Variants in GLT8D2 observed in about 807,000 individuals in gnomAD.
GLT8D2 encodes glycosyltransferase 8 domain-containing protein 2.
GLT8D2 carries 45 observed loss-of-function variants against 44.5 expected under a neutral mutation model. The observed-to-expected ratio is 1.01, with a 90% CI of 0.80 to 1.30. The LOEUF is 1.30. Ranked by LOEUF, GLT8D2 falls within the 50% of genes most tolerant of loss-of-function variation. The pLI is 0.00. For missense variants in GLT8D2, 400 were observed against 430.4 expected, an observed-to-expected ratio of 0.93 and a Z score of 0.62; for synonymous variants, 156 against 157.2, an observed-to-expected ratio of 0.99 and a Z score of 0.06.
At chr12:104,015,832 T>A (rs1876507122) in intron 3 of GLT8D2, among the ~76,000 whole-genome samples, 1 of 151,474 alleles carries the variant, frequency 6.6e-6, no homozygotes, top group South Asian at 2.1e-4. Context: ...TGAAACCCTA[T>A]CTCTACTAAA....
chr12:104,046,945 C>G (rs764364780), intron 1 of GLT8D2, among the ~76,000 whole-genome samples: 3 of 152,032 alleles, frequency 2.0e-5, no homozygotes, highest in Non-Finnish European at 4.4e-5. Flanking sequence ...TCACCTCAGT[C>G]TCCCAAATAG....
intron 1 of GLT8D2, among the ~76,000 whole-genome samples, chr12:104,047,002 T>A (rs1298991317): frequency 2.0e-5 from 3 of 151,914 alleles, no homozygotes; most frequent in East Asian, 1.9e-4. Context: ...TAATTAAAAA[T>A]TTTTTTTGTA....
At chr12:103,994,612 C>T in intron 8 of GLT8D2, 111 bp from the exon 9 acceptor site, 1 of 878,928 alleles carries the variant, frequency 1.1e-6, no homozygotes, top group South Asian at 1.9e-5. Flanking sequence ...TCCTGTGTCA[C>T]TGGCCACTGG....
intron 1 of GLT8D2, among the ~76,000 whole-genome samples, chr12:104,044,587 A>G (rs994386408): frequency 4.6e-5 from 7 of 152,040 alleles, no homozygotes; most frequent in African/African-American, 1.4e-4. Context: ...TTCCTCTTCA[A>G]CTTCTCCCTC....
rs747158624 is a variant in GLT8D2 at position 104,019,640 on chromosome 12, C to A, written c.9G>T (p.Leu3=). ...AAGTTGAAATCTTACTTTTTCGTAA[C>A]AGAGCCATGTGTATTCACGCGGATA... MA[L]LRKINQVLLF... is the part of the protein sequence containing the mutation. Residue 3 remains leucine (L), a synonymous_variant, in exon 3 of 11, where the codon CTG becomes CTT. Transcript: ENST00000360814. The A allele has an allele frequency of 1.9e-6, 3 of 1,610,144 alleles. No homozygotes were observed. In the Admixed American group the frequency reaches 5.0e-5, roughly 27 times the overall value.
In GLT8D2 at chr12:103,994,468, T is replaced by C. The variant is rs1873159527; in HGVS notation, c.634A>G (p.Lys212Glu). 1.2e-6 allele frequency: 2 copies of C among 1,613,868 alleles called. No individual in the cohort carries two copies. Among genetic ancestry groups the C allele is most frequent in the South Asian group, 2.2e-5 (2 of 91,038 alleles). The change falls in exon 9 of 11, where the codon AAG becomes GAG. Residue 212 changes from lysine to glutamate, a missense_variant. Coordinates refer to ENST00000360814, the MANE Select transcript of GLT8D2 (RefSeq NM_001384711.1). ...CTGATGCCAAGGTCCTTGATGGCCT[T>C]CTTCCGGTAGTCCAGATAGCCCATA... ...TYMGYLDYRK[K>E]AIKDLGISPS...
chr12:104,040,451 A>G (rs1051917644), intron 1 of GLT8D2, among the ~76,000 whole-genome samples: 1 of 152,134 alleles, frequency 6.6e-6, no homozygotes, highest in Admixed American at 6.5e-5. Flanking sequence ...TTTGGGACGA[A>G]GTCTTGTTCT....
At chr12:104,033,808 A>G (rs140883232) in intron 1 of GLT8D2, among the ~76,000 whole-genome samples, 1,255 of 7,794 alleles carry the variant, frequency 0.16, 9 homozygotes, top group South Asian at 0.21. Context: ...GTGTGTGTGT[A>G]TATATATATA....
chr12:104,012,549 T>G (rs1593541060), intron 4 of GLT8D2: 1 of 375,140 alleles, frequency 2.7e-6, no homozygotes. Context: ...ATTAGCTGAG[T>G]GAATGTGTTG....
In GLT8D2 at chr12:103,993,398, G is replaced by A. The variant is rs751825925; in HGVS notation, c.874C>T (p.His292Tyr). ...GTTTTTCTGAAATACTTACCCAGGTGCCTTATGTGCCACAGGGGGTTAATT... is the reference window on the plus strand; with the variant it reads ...GTTTTTCTGAAATACTTACCCAGGTACCTTATGTGCCACAGGGGGTTAATT... Reference protein sequence around the residue: ...STINPLWHIRHLGWNPDARYS... With the variant: ...STINPLWHIRYLGWNPDARYS... Residue 292 changes from histidine to tyrosine, a missense_variant, in exon 10 of 11, where the codon CAC (histidine) becomes TAC (tyrosine). Coordinates refer to ENST00000360814, the MANE Select transcript of GLT8D2 (RefSeq NM_001384711.1). The A allele has an allele frequency of 6.2e-7, 1 of 1,609,460 alleles. No homozygotes were observed. Among genetic ancestry groups the A allele is most frequent in the Non-Finnish European group, 8.5e-7 (1 of 1,175,680 alleles).
At chr12:104,008,694 C>A (rs1273732967) in intron 4 of GLT8D2, among the ~76,000 whole-genome samples, 2 of 152,260 alleles carry the variant, frequency 1.3e-5, no homozygotes, top group Admixed American at 1.3e-4. Flanking sequence ...GCTGCCCCTG[C>A]CATCACAGGC....
At chr12:104,016,878 GAA>G (rs1566199953) in intron 3 of GLT8D2, among the ~76,000 whole-genome samples, 1 of 141,752 alleles carries the variant, frequency 7.1e-6, no homozygotes, top group South Asian at 2.2e-4. Context: ...AAGAAAGAAA[GAA>G]AGAAAAATAA....
At chr12:104,062,618 C>G (rs141973321) in intron 1 of GLT8D2, among the ~76,000 whole-genome samples, 9 of 152,248 alleles carry the variant, frequency 5.9e-5, no homozygotes, top group African/African-American at 1.9e-4. Flanking sequence ...TTTTCTTCCA[C>G]TGGACTTGTA....
intron 1 of GLT8D2, chr12:104,030,639 C>A: frequency 7.7e-7 from 1 of 1,306,034 alleles, no homozygotes; most frequent in Non-Finnish European, 1.1e-6. Flanking sequence ...AACCATATAC[C>A]TGATAAGAAG....
At chr12:104,021,179 C>G (rs1384589399) in intron 2 of GLT8D2, among the ~76,000 whole-genome samples, 178 bp downstream of exon 2, 2 of 152,154 alleles carry the variant, frequency 1.3e-5, no homozygotes, top group Admixed American at 1.3e-4. Flanking sequence ...AGAGTTCCCC[C>G]CTCAGGGAGA....
intron 10 of GLT8D2, among the ~76,000 whole-genome samples, chr12:103,992,846 A>G (rs1182272079): frequency 2.0e-5 from 3 of 152,176 alleles, no homozygotes; most frequent in Non-Finnish European, 2.9e-5. Context: ...TATGCTAAGC[A>G]TGAATTTGAT....
At chr12:104,026,451 C>T (rs1878584308) in intron 1 of GLT8D2, among the ~76,000 whole-genome samples, 1 of 152,072 alleles carries the variant, frequency 6.6e-6, no homozygotes, top group African/African-American at 2.4e-5. Flanking sequence ...ATCAAGAAGG[C>T]TAAGACACCC....
intron 5 of GLT8D2, among the ~76,000 whole-genome samples, chr12:104,000,352 T>C (rs904616321): frequency 1.3e-5 from 2 of 152,186 alleles, no homozygotes; most frequent in Non-Finnish European, 2.9e-5. Context: ...TTAGAAATAA[T>C]GAAACTTCAA....
At chr12:104,062,224 C>T (rs1882715995) in intron 1 of GLT8D2, among the ~76,000 whole-genome samples, 1 of 151,774 alleles carries the variant, frequency 6.6e-6, no homozygotes, top group Admixed American at 6.6e-5. Context: ...CAGGCATGCA[C>T]CACCACGCCC....
Sources: allele counts gnomAD v4.1 joint callset (sites outside exome capture counted in the v4.1 genomes callset), GRCh38; gene constraint gnomAD v4.1.1; transcripts MANE v1.5; gene names NCBI Gene and HGNC (gene_info 2026-07-23, HGNC 2026-07-21).